Variants in ADGRB3 observed in about 807,000 individuals in gnomAD.
The protein encoded by ADGRB3 is brain-specific angiogenesis inhibitor 3.
In ADGRB3, 37 loss-of-function variants were observed where a neutral mutation model predicts 193.4. The ratio of observed to expected loss-of-function variants is 0.19; its 90% CI spans 0.15 to 0.25. The LOEUF (loss-of-function observed/expected upper bound fraction) is 0.25. Among genes scored for constraint, ADGRB3 ranks in the 10% least tolerant of loss-of-function variants. The pLI is 1.00. For missense variants in ADGRB3, 1,637 were observed against 1,852.9 expected (o/e 0.88, Z 2.14); for synonymous variants, 690 against 644.2 (o/e 1.07, Z -1.08).
At chr6:69,216,761 A>G (rs1765779681) in intron 17 of ADGRB3, among the ~76,000 whole-genome samples, 1 of 152,208 alleles carries the variant, frequency 6.6e-6, no homozygotes, top group Non-Finnish European at 1.5e-5. Context: ...CATTGGTTGT[A>G]GAGTGACAGT....
chr6:68,740,000 CATT>C (rs10540317), intron 3 of ADGRB3, among the ~76,000 whole-genome samples: 58,808 of 151,672 alleles, frequency 0.39, 11,736 homozygotes, highest in African/African-American at 0.47. Context: ...ACAGGTACAA[CATT>C]ATTATTAATA....
intron 20 of ADGRB3, among the ~76,000 whole-genome samples, chr6:69,314,223 T>A (rs1768261287): frequency 6.6e-6 from 1 of 151,746 alleles, no homozygotes; most frequent in Non-Finnish European, 1.5e-5. Context: ...TGTTTTCCAC[T>A]AGATGACATC....
At chr6:68,754,788 C>G (rs991247141) in intron 3 of ADGRB3, among the ~76,000 whole-genome samples, 1 of 151,840 alleles carries the variant, frequency 6.6e-6, no homozygotes, top group Non-Finnish European at 1.5e-5. Flanking sequence ...CATGTATGCT[C>G]TCACTGAGAA....
At chr6:69,363,552 G>A (rs1455175661) in intron 29 of ADGRB3, among the ~76,000 whole-genome samples, 1 of 151,990 alleles carries the variant, frequency 6.6e-6, no homozygotes. Flanking sequence ...CAAGTGCATA[G>A]CAAATCTAGG....
At chr6:69,301,696 A>G (rs1283711741) in intron 20 of ADGRB3, among the ~76,000 whole-genome samples, 5 of 151,966 alleles carry the variant, frequency 3.3e-5, no homozygotes, top group African/African-American at 1.2e-4. Context: ...GTGGTTGCCC[A>G]CTATTTTAAG....
At chr6:69,346,833 C>T (rs977487545) in intron 26 of ADGRB3, among the ~76,000 whole-genome samples, 1 of 152,158 alleles carries the variant, frequency 6.6e-6, no homozygotes, top group Non-Finnish European at 1.5e-5. Context: ...TACCATTTGA[C>T]CCAGCAATCC....
chr6:68,985,699 T>C (rs1769050233), intron 10 of ADGRB3, among the ~76,000 whole-genome samples: 1 of 152,150 alleles, frequency 6.6e-6, no homozygotes, highest in African/African-American at 2.4e-5. Flanking sequence ...GGGTTGCATA[T>C]GCGGTGTGAT....
At chr6:69,085,098 T>C (rs999988724) in intron 17 of ADGRB3, among the ~76,000 whole-genome samples, 1 of 152,130 alleles carries the variant, frequency 6.6e-6, no homozygotes, top group Non-Finnish European at 1.5e-5. Context: ...GGTGAAAATA[T>C]TGCGAAAGAT....
intron 3 of ADGRB3, among the ~76,000 whole-genome samples, chr6:68,872,248 T>C (rs191152282): frequency 9.0e-4 from 137 of 152,230 alleles, no homozygotes; most frequent in African/African-American, 3.2e-3. Flanking sequence ...AGACAAGTCT[T>C]TGCCAGCCTT....
At chr6:69,288,344 A>C (rs1422606439) in intron 20 of ADGRB3, among the ~76,000 whole-genome samples, 1 of 152,178 alleles carries the variant, frequency 6.6e-6, no homozygotes, top group Non-Finnish European at 1.5e-5. Flanking sequence ...GATGGTTTCC[A>C]GCTTTATCCA....
chr6:68,976,144 C>A (rs1768740229), intron 10 of ADGRB3, among the ~76,000 whole-genome samples: 1 of 152,058 alleles, frequency 6.6e-6, no homozygotes, highest in South Asian at 2.1e-4. Flanking sequence ...CTTATATTTT[C>A]TTTTACTGTT....
intron 26 of ADGRB3, among the ~76,000 whole-genome samples, chr6:69,353,867 C>G (rs892951859): frequency 6.6e-6 from 1 of 152,068 alleles, no homozygotes; most frequent in African/African-American, 2.4e-5. Context: ...AGTTCGAGAC[C>G]AGCCTGACCA....
chr6:68,909,955 G>C (rs928896254), intron 3 of ADGRB3, among the ~76,000 whole-genome samples: 16 of 152,160 alleles, frequency 1.1e-4, no homozygotes, highest in African/African-American at 3.9e-4. Context: ...GGTATTTCTA[G>C]TTCTAGATCC....
At chr6:69,123,139 G>A (rs1773765028) in intron 17 of ADGRB3, among the ~76,000 whole-genome samples, 1 of 151,778 alleles carries the variant, frequency 6.6e-6, no homozygotes, top group South Asian at 2.1e-4. Flanking sequence ...GAGCTATTAT[G>A]GTCTACGTAT....
intron 17 of ADGRB3, among the ~76,000 whole-genome samples, chr6:69,210,717 C>T (rs965674362): frequency 2.6e-5 from 4 of 152,104 alleles, no homozygotes; most frequent in Non-Finnish European, 1.5e-5. Context: ...TCCCATCTCT[C>T]AACACTGTTA....
chr6:68,808,064 G>A (rs999553998), intron 3 of ADGRB3, among the ~76,000 whole-genome samples: 2 of 151,882 alleles, frequency 1.3e-5, no homozygotes, highest in African/African-American at 2.4e-5. Context: ...AATATTTCCA[G>A]GTCAAATGGA....
chr6:68,777,237 A>G (rs1468357316), intron 3 of ADGRB3, among the ~76,000 whole-genome samples: 1 of 152,104 alleles, frequency 6.6e-6, no homozygotes, highest in Non-Finnish European at 1.5e-5. Flanking sequence ...ACCTTTTGCC[A>G]TTGCCAACAA....
chr6:69,151,675 T>C (rs1359776546), intron 17 of ADGRB3, among the ~76,000 whole-genome samples: 1 of 152,202 alleles, frequency 6.6e-6, no homozygotes, highest in East Asian at 1.9e-4. Context: ...GCCATTTTGC[T>C]CTGCCCTGTG....
chr6:69,073,376 G>A (rs956262100), intron 16 of ADGRB3, among the ~76,000 whole-genome samples: 8 of 152,132 alleles, frequency 5.3e-5, no homozygotes, highest in African/African-American at 1.9e-4. Context: ...CCCAAGTGCT[G>A]GTGATGTTGT....
Sources: gnomAD v4.1 joint callset for allele counts (sites outside exome capture counted in the v4.1 genomes callset) on GRCh38, gnomAD v4.1.1 for gene constraint, MANE v1.5 for transcripts, NCBI Gene and HGNC (gene_info 2026-07-23, HGNC 2026-07-21) for gene names.